Variants in ST7 observed in about 807,000 individuals in gnomAD.
The protein encoded by ST7 is suppressor of tumorigenicity 7 protein.
Under a neutral mutation model 78.7 loss-of-function variants are expected in ST7, and 28 were observed. The ratio of observed to expected loss-of-function variants is 0.36; its 90% confidence interval spans 0.26 to 0.49. The LOEUF (loss-of-function observed/expected upper bound fraction) is 0.49. Among genes scored for constraint, ST7 ranks in the 20% least tolerant of loss-of-function variants. ST7 has a pLI of 0.99. For synonymous variants in ST7, 247 were observed against 249.6 expected (o/e 0.99, Z 0.10); for missense variants, 418 against 696.0 (o/e 0.60, Z 4.49).
intron 1 of ST7, among the ~76,000 whole-genome samples, chr7:117,077,110 G>A (rs73477369): frequency 0.049 from 7,463 of 152,200 alleles, 610 homozygotes; most frequent in African/African-American, 0.17. Flanking sequence ...AAGTAATGTC[G>A]TCAAGCTGTG....
chr7:117,138,678 A>G (rs1313917574), intron 9 of ST7, 146 bp downstream of exon 9: 13 of 530,486 alleles, frequency 2.5e-5, no homozygotes, highest in Admixed American at 6.8e-5. Context: ...TTCCCAATTT[A>G]CTAGATGAAT....
intron 2 of ST7, among the ~76,000 whole-genome samples, chr7:117,106,724 C>T (rs959722034): frequency 6.6e-5 from 10 of 150,978 alleles, no homozygotes; most frequent in African/African-American, 2.4e-4. Context: ...GGGTTCACAC[C>T]ATTCTCCTGC....
At chr7:117,218,274 T>C (rs990918884) in intron 13 of ST7, among the ~76,000 whole-genome samples, 4 of 152,148 alleles carry the variant, frequency 2.6e-5, no homozygotes, top group Non-Finnish European at 4.4e-5. Context: ...TAAGAGGACA[T>C]CTGTTGAAGA....
At chr7:116,966,010 G>T in intron 1 of ST7, 1 of 414,668 alleles carries the variant, frequency 2.4e-6, no homozygotes, top group Non-Finnish European at 4.9e-6. Context: ...GTGGTTCATT[G>T]GTTCATGCCC....
chr7:116,955,004 G>T (rs1158311924), intron 1 of ST7: 2 of 391,082 alleles, frequency 5.1e-6, no homozygotes, highest in South Asian at 2.0e-5. Context: ...CTGGGAGGCG[G>T]ATAGGATTCA....
At chr7:117,114,434 A>G (rs1477102471) in intron 2 of ST7, among the ~76,000 whole-genome samples, 1 of 151,816 alleles carries the variant, frequency 6.6e-6, no homozygotes, top group African/African-American at 2.4e-5. Flanking sequence ...ACCACCAGAT[A>G]TATTTTTGAA....
At chr7:117,161,591 CTTTTTTTTTT>C (rs60505994) in intron 9 of ST7, among the ~76,000 whole-genome samples, 18 of 113,584 alleles carry the variant, frequency 1.6e-4, no homozygotes, top group East Asian at 2.6e-4. Flanking sequence ...TTCTTTCTTT[CTTTTTTTTTT>C]TTTTTTTTTT....
intron 1 of ST7, among the ~76,000 whole-genome samples, chr7:117,046,291 G>A (rs757620764): frequency 5.9e-5 from 9 of 152,198 alleles, no homozygotes; most frequent in Admixed American, 1.3e-4. Context: ...GCAAGGCTTC[G>A]TTTTTCTGTC....
intron 13 of ST7, among the ~76,000 whole-genome samples, chr7:117,212,668 T>C (rs929079584): frequency 6.6e-6 from 1 of 152,212 alleles, no homozygotes; most frequent in Non-Finnish European, 1.5e-5. Flanking sequence ...TTTAAGTGAT[T>C]ACCACTCAAT....
chr7:117,141,016 C>G (rs779778710), intron 9 of ST7, among the ~76,000 whole-genome samples: 9 of 152,182 alleles, frequency 5.9e-5, no homozygotes, highest in Non-Finnish European at 8.8e-5. Context: ...TTTGGCTCCT[C>G]TCCGGTCATG....
chr7:117,069,844 C>T (rs947628833), intron 1 of ST7, among the ~76,000 whole-genome samples: 5 of 152,164 alleles, frequency 3.3e-5, no homozygotes, highest in East Asian at 3.8e-4. Flanking sequence ...GAGATAGGAA[C>T]GGATGCCCTT....
At chr7:117,194,581 A>G (rs1041261381) in intron 12 of ST7, among the ~76,000 whole-genome samples, 1 of 152,228 alleles carries the variant, frequency 6.6e-6, no homozygotes, top group Non-Finnish European at 1.5e-5. Flanking sequence ...AAAAGAAGAC[A>G]AAGAAATCTT....
At chr7:117,129,113 C>T (rs1037147913) in intron 3 of ST7, among the ~76,000 whole-genome samples, 2 of 151,584 alleles carry the variant, frequency 1.3e-5, no homozygotes, top group Non-Finnish European at 2.9e-5. Flanking sequence ...TTCTGTGGTC[C>T]TGGTATAATA....
chr7:117,025,601 A>C (rs1252456926), intron 1 of ST7, among the ~76,000 whole-genome samples: 1 of 152,208 alleles, frequency 6.6e-6, no homozygotes, highest in Non-Finnish European at 1.5e-5. Context: ...ATTGCATGAC[A>C]TTAGATAAGT....
chr7:117,142,059 G>C lies in ST7; in HGVS notation c.963+3527G>C, dbSNP rs528300077. Among the ~76,000 whole-genome samples the C allele has an allele frequency of 1.6e-4, 24 of 152,124 alleles. No individual in the cohort carries two copies. In the South Asian group the frequency reaches 4.4e-3, roughly 28 times the overall value. On this transcript the variant is annotated intron_variant, in intron 9 of 15. Transcript: ENST00000323984. ...AATTTAAGGAAAGGTCTTTCTGCTT[G>C]CTCTCATGTTTGGTAATTTTGCCTC... is the stretch of plus-strand genomic sequence containing the variant.
In ST7 at chr7:117,040,101, C is replaced by T. The variant is rs192061601; in HGVS notation, c.152-59661C>T. On this transcript the variant is annotated intron_variant, in intron 1 of 15. Transcript: ENST00000323984. ...TAAAGACAGAGCTAGAGGCTGGGCTCGGTGGCTCACGCCTGTAATCCCAGC... is the reference window on the plus strand; with the variant it reads ...TAAAGACAGAGCTAGAGGCTGGGCTTGGTGGCTCACGCCTGTAATCCCAGC... Among the ~76,000 whole-genome samples, 49 of 152,148 alleles carry T rather than the reference C, an allele frequency of 3.2e-4. No homozygotes were observed. The East Asian group carries it at 8.3e-3, about 26-fold the overall frequency.
At chr7:117,195,650 C>CATCAGATCTTGTGAAA (rs1810243904) in intron 12 of ST7, among the ~76,000 whole-genome samples, 1 of 152,032 alleles carries the variant, frequency 6.6e-6, no homozygotes, top group African/African-American at 2.4e-5. Context: ...GAGAAAAAGC[C>CATCAGATCTTGTGAAA]CCTTATAAAA....
At position 116,978,746 on chromosome 7, in the gene ST7, C is replaced by T. The variant is rs574847274; in HGVS notation, c.151+25055C>T. Among the ~76,000 whole-genome samples the T allele has an allele frequency of 6.6e-5, 10 of 152,124 alleles. No individual in the cohort carries two copies. In the South Asian group the frequency reaches 8.3e-4, roughly 13 times the overall value. ...GACTACAGGCATGCACCACCAGGTC[C>T]AGCTAATTTTTTGTATTTTTAGTAG... On this transcript the variant is annotated intron_variant, in intron 1 of 15. Transcript: ENST00000323984.
chr7:117,168,179 A>T (rs960572671), intron 9 of ST7, among the ~76,000 whole-genome samples: 2 of 152,142 alleles, frequency 1.3e-5, no homozygotes, highest in Admixed American at 1.3e-4. Context: ...GACACAGTAT[A>T]CTCTGTCCAA....
Sources: allele counts gnomAD v4.1 joint callset (sites outside exome capture counted in the v4.1 genomes callset), GRCh38; gene constraint gnomAD v4.1.1; transcripts MANE v1.5; gene names NCBI Gene and HGNC (gene_info 2026-07-23, HGNC 2026-07-21).